Variants in FCHO1 observed in about 807,000 individuals in gnomAD.
FCHO1 encodes the protein F-BAR domain only protein 1.
A neutral mutation model predicts 114.4 loss-of-function variants in FCHO1; 45 were observed. The observed-to-expected ratio is 0.39, with a 90% CI of 0.31 to 0.50. The LOEUF (loss-of-function observed/expected upper bound fraction) is 0.50, where lower values mean the gene tolerates loss of function less well. FCHO1 is among the 20% of genes least tolerant of loss of function. FCHO1 has a pLI of 0.77. For synonymous variants in FCHO1, 480 were observed against 488.9 expected (o/e 0.98, Z 0.24); for missense variants, 1,042 against 1,209.6 (o/e 0.86, Z 2.06).
At chr19:17,759,411 C>T (rs529959930) in intron 4 of FCHO1, among the ~76,000 whole-genome samples, 11 of 151,190 alleles carry the variant, frequency 7.3e-5, no homozygotes, top group South Asian at 2.1e-4. Flanking sequence ...TTAGTAGAGA[C>T]GGGGTTTCAC....
intron 6 of FCHO1, among the ~76,000 whole-genome samples, chr19:17,765,912 A>T (rs1403654467): frequency 7.9e-6 from 1 of 126,206 alleles, no homozygotes. Context: ...TTTTTGAGAC[A>T]GAGTCTCACT....
At chr19:17,782,967 G>A in intron 23 of FCHO1, 50 bp from the exon 24 acceptor site, 4 of 1,593,410 alleles carry the variant, frequency 2.5e-6, no homozygotes, top group Non-Finnish European at 3.4e-6. Flanking sequence ...GGAAGGATGA[G>A]GCACCAGGCA....
rs567199358 is a variant in FCHO1, at chr19:17,770,593, G to A, written c.489+16G>A. ...GATGGACAAGGTGGGCTCACAGTGG[G>A]GGGGTTCTGAGGAATTTGCCGCGGG... On this transcript the variant is annotated intron_variant, in intron 8 of 28. Transcript: ENST00000596536. 12 of 1,606,998 alleles carry A rather than the reference G, an allele frequency of 7.5e-6. No homozygotes were observed. In the East Asian group the frequency reaches 2.0e-4, roughly 27 times the overall value.
chr19:17,775,492 C>T lies in FCHO1; in HGVS notation c.982C>T (p.Arg328Trp), dbSNP rs747047223. 3.7e-6 allele frequency: 6 copies of T among 1,613,808 alleles called. No homozygotes were observed. Among genetic ancestry groups the T allele is most frequent in the African/African-American group, 1.3e-5 (1 of 74,876 alleles). The change falls in exon 15 of 29, where the codon CGG becomes TGG. Residue 328 changes from arginine (R) to tryptophan (W), a missense_variant. Arg to Trp is a moderately radical substitution (Grantham distance 101). Transcript: ENST00000596536. The surrounding 1 kb of genome is among the most constrained non-coding windows in gnomAD (Gnocchi z 5.1). ...PEVDEEGFTV[R>W]PDVTQNSTAE... is the part of the protein sequence containing the mutation. ...GGTGGATGAAGAAGGTTTCACTGTC[C>T]GGCCTGATGTGACCCAGAACAATAT...
In FCHO1 at chr19:17,776,087, G is replaced by A. The variant is rs1241999416; in HGVS notation, c.1108G>A (p.Ala370Thr). The stretch of plus-strand genomic sequence containing the variant: ...CAAGCCTGCCCCGGCCCGGGCTCCA[G>A]CCTGCAGCCCCGAGGCAGCAGCGGC... ...HIKPAPARAPACSPEAAAAQL... is the reference protein window; with the variant it reads ...HIKPAPARAPTCSPEAAAAQL... Residue 370 changes from alanine (A) to threonine (T), a missense_variant, in exon 16 of 29, where the codon GCC (alanine) becomes ACC (threonine). Transcript: ENST00000596536. This position sits in a 1 kb window ranked among gnomAD's most constrained non-coding sequence, Gnocchi z 4.4. The A allele has an allele frequency of 1.7e-5, 28 of 1,612,120 alleles. No individual in the cohort carries two copies. Among genetic ancestry groups the A allele is most frequent in the East Asian group, 1.1e-4 (5 of 44,888 alleles).
intron 4 of FCHO1, among the ~76,000 whole-genome samples, chr19:17,755,974 G>A (rs1478398891): frequency 6.6e-6 from 1 of 152,210 alleles, no homozygotes; most frequent in Non-Finnish European, 1.5e-5. Context: ...TCCTCCTGCA[G>A]AGCCAGGCTA....
Position 17,775,585 on chromosome 19 carries a change from A to G in FCHO1, c.1003+72A>G, listed in dbSNP as rs1568355205. 3 of 1,371,978 alleles carry G rather than the reference A, an allele frequency of 2.2e-6. No individual in the cohort carries two copies. Among genetic ancestry groups the G allele is most frequent in the Non-Finnish European group, 3.1e-6 (3 of 960,220 alleles). 85.0% of individuals were successfully genotyped at this position (1,371,978 alleles called of 1,614,324 possible). ...CAAAATTCTCCGTAATAACCAGTCC[A>G]CCTTCAGCAGTCCTCTCTGTGTACA... On this transcript the variant is annotated intron_variant, in intron 15 of 28. Transcript: ENST00000596536. This position sits in a 1 kb window ranked among gnomAD's most constrained non-coding sequence, Gnocchi z 5.1.
chr19:17,761,341 A>G (rs1222305772), intron 4 of FCHO1, among the ~76,000 whole-genome samples: 2 of 151,672 alleles, frequency 1.3e-5, no homozygotes, highest in Non-Finnish European at 2.9e-5. Flanking sequence ...ATAAGATCAA[A>G]TGATTATGGG....
At chr19:17,758,260 A>C (rs1360366583) in intron 4 of FCHO1, among the ~76,000 whole-genome samples, 1 of 151,692 alleles carries the variant, frequency 6.6e-6, no homozygotes, top group Non-Finnish European at 1.5e-5. Context: ...TGGAGGGAGC[A>C]ACAGTGAAGT....
In FCHO1 at chr19:17,774,912, A is replaced by G; in HGVS notation, c.921-144A>G. On this transcript the variant is annotated intron_variant, in intron 13 of 28. Transcript: ENST00000596536. Reference sequence around the variant, plus strand: ...TCAACCCCCTCCCCAAGCAAGCCCCATGGTCCCACCGCCTCTAGGGCTAGC... The same window carrying G: ...TCAACCCCCTCCCCAAGCAAGCCCCGTGGTCCCACCGCCTCTAGGGCTAGC... The G allele has an allele frequency of 5.9e-6, 5 of 851,698 alleles. No homozygotes were observed. In the South Asian group the frequency reaches 6.3e-5, roughly 11 times the overall value. The allele number at this position is 851,698 out of a possible 1,614,324, so 52.8% of individuals were successfully genotyped here.
chr19:17,781,256 C>G lies in FCHO1; in HGVS notation c.1653C>G (p.Pro551=), dbSNP rs1401310605. 1 of 1,613,812 alleles carries G rather than the reference C, an allele frequency of 6.2e-7. No homozygotes were observed. Among genetic ancestry groups the G allele is most frequent in the Non-Finnish European group, 8.5e-7 (1 of 1,179,840 alleles). The part of the protein sequence containing the change: ...GGDLMPAPAD[P]TAREGLAAPP... ...ACCTGATGCCTGCACCTGCTGACCC[C>G]ACAGCCAGGGAGGGCCTGGCAGCCC... The change falls in exon 21 of 29, where the codon CCC becomes CCG. Residue 551 remains proline (P), a synonymous_variant. Transcript: ENST00000596536.
chr19:17,771,532 G>T (rs753028960), intron 9 of FCHO1, among the ~76,000 whole-genome samples: 1 of 149,918 alleles, frequency 6.7e-6, no homozygotes, highest in African/African-American at 2.5e-5. Context: ...AGCCGGGCGT[G>T]GTGGTGGGTG....
At chr19:17,769,615 AC>A (rs1269999850) in intron 7 of FCHO1, among the ~76,000 whole-genome samples, 4 of 150,202 alleles carry the variant, frequency 2.7e-5, no homozygotes, top group Admixed American at 6.7e-5. Flanking sequence ...ACACACACAC[AC>A]ACACACACAC....
chr19:17,748,725 C>T (rs942107401), upstream of FCHO1, among the ~76,000 whole-genome samples: 3 of 152,170 alleles, frequency 2.0e-5, no homozygotes, highest in African/African-American at 4.8e-5. Context: ...GTCGAATGGA[C>T]CTGCTTCACT....
intron 11 of FCHO1, 91 bp from the exon 12 acceptor site, chr19:17,774,147 GA>G (rs925604192): frequency 5.9e-6 from 7 of 1,193,320 alleles, no homozygotes; most frequent in Non-Finnish European, 8.7e-6. Context: ...GACCTCAGGT[GA>G]TCCGCCCGCC....
At chr19:17,778,575 G>A in intron 19 of FCHO1, 34 bp from the exon 20 acceptor site, 4 of 1,494,662 alleles carry the variant, frequency 2.7e-6, no homozygotes, top group Non-Finnish European at 3.6e-6. Context: ...GAGTGGGCGA[G>A]GGTCGGAGCT....
chr19:17,787,236 A>T (rs1377903492), intron 27 of FCHO1, among the ~76,000 whole-genome samples: 1 of 145,110 alleles, frequency 6.9e-6, no homozygotes, highest in African/African-American at 2.6e-5. Flanking sequence ...AAAAAAAAAA[A>T]AAAAAAAAAA....
intron 8 of FCHO1, 84 bp downstream of exon 8, chr19:17,770,661 G>A (rs1475271299): frequency 1.9e-6 from 3 of 1,577,952 alleles, no homozygotes; most frequent in Middle Eastern, 1.8e-4. Flanking sequence ...ACATCCCAGA[G>A]CGACGGTCCT....
chr19:17,776,349 C>T lies in FCHO1; in HGVS notation c.1207+78C>T, dbSNP rs1599721937. The T allele has an allele frequency of 1.7e-5, 27 of 1,574,388 alleles. No individual in the cohort carries two copies. Among genetic ancestry groups the T allele is most frequent in the Middle Eastern group, 1.7e-4 (1 of 5,946 alleles). On this transcript the variant is annotated intron_variant, in intron 17 of 28. Coordinates refer to ENST00000596536, the MANE Select transcript of FCHO1 (RefSeq NM_015122.3). This position sits in a 1 kb window ranked among gnomAD's most constrained non-coding sequence, Gnocchi z 4.4. ...TGGGTTTGGGCTTGAATCATAACTC[C>T]GTTTTGTAACTTTGGGCAGGCTGCT... is the stretch of plus-strand genomic sequence containing the variant.
Sources: gnomAD v4.1 joint callset for allele counts (sites outside exome capture counted in the v4.1 genomes callset) on GRCh38, gnomAD v4.1.1 for gene constraint, Gnocchi (gnomAD v3.1) non-coding constraint, MANE v1.5 for transcripts, NCBI Gene and HGNC (gene_info 2026-07-23, HGNC 2026-07-21) for gene names.